Variants in EPS8 observed in about 807,000 individuals in gnomAD.
The protein encoded by EPS8 is EGFR pathway substrate 8, signaling adaptor.
A neutral mutation model predicts 103.8 loss-of-function variants in EPS8; 42 were observed. The ratio of observed to expected loss-of-function variants is 0.40; its 90% CI spans 0.32 to 0.52. The LOEUF is 0.52. Ranked by LOEUF, EPS8 falls within the 20% of genes least tolerant of loss-of-function variation. EPS8 has a pLI of 0.40. For missense variants in EPS8, 969 were observed against 1,005.1 expected (o/e 0.96, Z 0.49); for synonymous variants, 344 against 344.6 (o/e 1.00, Z 0.02).
intron 1 of EPS8, among the ~76,000 whole-genome samples, chr12:15,756,382 C>G (rs1455810083): frequency 6.6e-6 from 1 of 152,042 alleles, no homozygotes; most frequent in African/African-American, 2.4e-5. Flanking sequence ...GTAAATTTGC[C>G]AGTATCAAAC....
In EPS8 at chr12:15,682,992, T is replaced by C. The variant is rs371688910; in HGVS notation, c.-21-20A>G. 3.6e-5 allele frequency: 50 copies of C among 1,373,908 alleles called. No homozygotes were observed. The highest frequency in any genetic ancestry group is 3.3e-4 in the East Asian group (14 of 42,624). The allele number at this position is 1,373,908 out of a possible 1,614,324, so 85.1% of individuals were successfully genotyped here. A position where few individuals can be genotyped will look rare whatever the true frequency, so the allele number is the denominator to read the frequency against. ...TGTGTTCTAAAAAAAGAAAGACACA[T>C]AGATTAAAGGCAATAAAAAGGTCAA... On this transcript the variant is annotated intron_variant, in intron 1 of 20. Coordinates refer to ENST00000281172, the MANE Select transcript of EPS8 (RefSeq NM_004447.6).
In EPS8 at chr12:15,630,509, T is replaced by C. The variant is rs1591802264; in HGVS notation, c.2044+933A>G. On this transcript the variant is annotated intron_variant, in intron 18 of 20. Transcript: ENST00000281172. ...AAGTTGGTCATAGTGTCTTTTTAGT[T>C]TACTTAAATATGGTTTTCATAGAAA... Among the ~76,000 whole-genome samples, 3 of 152,330 alleles carry C rather than the reference T, an allele frequency of 2.0e-5. No homozygotes were observed. The East Asian group carries it at 5.8e-4, about 29-fold the overall frequency.
intron 1 of EPS8, among the ~76,000 whole-genome samples, chr12:15,744,829 T>C (rs112169392): frequency 5.3e-5 from 8 of 152,196 alleles, no homozygotes; most frequent in African/African-American, 1.9e-4. Flanking sequence ...AAAAGTCTTT[T>C]GTGAACTAGC....
intron 13 of EPS8, 23 bp downstream of exon 13, chr12:15,654,122 C>G: frequency 6.2e-7 from 1 of 1,606,796 alleles, no homozygotes; most frequent in Non-Finnish European, 8.5e-7. Flanking sequence ...GTACTTAAGG[C>G]ATTATAGGTG....
chr12:15,669,564 G>A (rs1945775845), intron 5 of EPS8, 28 bp from the exon 6 acceptor site: 4 of 1,572,548 alleles, frequency 2.5e-6, no homozygotes, highest in Non-Finnish European at 3.5e-6. Flanking sequence ...ATTTTATTTT[G>A]TCAAACTTCC....
At chr12:15,730,841 T>C (rs1025789254) in intron 1 of EPS8, among the ~76,000 whole-genome samples, 2 of 152,102 alleles carry the variant, frequency 1.3e-5, no homozygotes, top group Non-Finnish European at 2.9e-5. Context: ...TAGCCCTTCT[T>C]TTCCTTCACT....
At chr12:15,662,670 G>A in intron 8 of EPS8, 1 of 984,856 alleles carries the variant, frequency 1.0e-6, no homozygotes, top group Non-Finnish European at 1.2e-6. Flanking sequence ...AAAAATAAAT[G>A]TCTTAAGACC....
chr12:15,788,443 C>A (rs1415174843), intron 1 of EPS8, among the ~76,000 whole-genome samples: 1 of 152,032 alleles, frequency 6.6e-6, no homozygotes, highest in African/African-American at 2.4e-5. Context: ...GGAGAACGGT[C>A]GGTGCAAAGA....
intron 1 of EPS8, among the ~76,000 whole-genome samples, chr12:15,715,394 C>CTTTTTTTTTTTTTTTTTTTTTT (rs3086457): frequency 1.6e-5 from 2 of 127,186 alleles, no homozygotes; most frequent in Admixed American, 8.5e-5. Context: ...CTTTACTTTT[C>CTTTTTTTTTTTTTTTTTTTTTT]TTTTTTTTTT....
intron 1 of EPS8, among the ~76,000 whole-genome samples, chr12:15,783,702 ATC>A (rs887012903): frequency 4.0e-5 from 6 of 149,502 alleles, no homozygotes; most frequent in African/African-American, 1.5e-4. Context: ...ACAAAGAAGC[ATC>A]TCTGAGTTAG....
chr12:15,755,635 C>T (rs1055349233), intron 1 of EPS8, among the ~76,000 whole-genome samples: 1 of 152,176 alleles, frequency 6.6e-6, no homozygotes, highest in African/African-American at 2.4e-5. Flanking sequence ...GCAGTGATCT[C>T]TTTCTATGGG....
In EPS8 at chr12:15,650,849, G is replaced by C; in HGVS notation, c.1408C>G (p.Gln470Glu). The C allele has an allele frequency of 6.2e-7, 1 of 1,612,718 alleles. No homozygotes were observed. The highest frequency in any genetic ancestry group is 8.5e-7 in the Non-Finnish European group (1 of 1,179,404). The change falls in exon 14 of 21, where the codon CAG becomes GAG. Residue 470 changes from glutamine (Q) to glutamate (E), a missense_variant. By Grantham distance (29) the Gln-to-Glu change is conservative. Transcript: ENST00000281172. ...VANVAEHQRK[Q>E]EIKRLSTEHS... ...TCTGTGGATAATCTTTTTATTTCCT[G>C]TTTGCGCTGATGTTCTGCTACATTT...
At chr12:15,634,472 C>T (rs1945102472) in intron 17 of EPS8, among the ~76,000 whole-genome samples, 1 of 152,190 alleles carries the variant, frequency 6.6e-6, no homozygotes, top group South Asian at 2.1e-4. Flanking sequence ...TTAAAGAATG[C>T]TATTGAGAGA....
chr12:15,637,570 C>T (rs906702068), intron 17 of EPS8, among the ~76,000 whole-genome samples: 22 of 152,314 alleles, frequency 1.4e-4, no homozygotes, highest in African/African-American at 3.8e-4. Context: ...GCACTGGCCA[C>T]GGGCATATCT....
intron 4 of EPS8, 44 bp from the exon 5 acceptor site, chr12:15,669,869 CACATACAACCTCTTAGTAT>C: frequency 6.9e-7 from 1 of 1,440,974 alleles, no homozygotes; most frequent in Non-Finnish European, 9.4e-7. Context: ...CACATACAAA[CACATACAACCTCTTAGTAT>C]ACATTTTCCA....
In EPS8 at chr12:15,761,172, A is replaced by T. The variant is rs979398413; in HGVS notation, c.-22+27989T>A. Among the ~76,000 whole-genome samples, 3 of 152,148 alleles carry T rather than the reference A, an allele frequency of 2.0e-5. No individual in the cohort carries two copies. Among genetic ancestry groups the T allele is most frequent in the African/African-American group, 7.2e-5 (3 of 41,456 alleles). On this transcript the variant is annotated intron_variant, in intron 1 of 20. Transcript: ENST00000281172. The surrounding 1 kb of genome is among the most constrained non-coding windows in gnomAD (Gnocchi z 4.5). ...AGACAACAATCTGAAAAAGAAAAAA[A>T]AAGTAATCCCATTTACAACAGCCAC...
At position 15,728,317 on chromosome 12, in the gene EPS8, G is replaced by T. The variant is rs948071634; in HGVS notation, c.-21-45345C>A. 3.3e-5 allele frequency: 5 copies of T among 152,192 alleles called. No homozygotes were observed. Among genetic ancestry groups the T allele is most frequent in the African/African-American group, 7.2e-5 (3 of 41,428 alleles). 9.4% of individuals were successfully genotyped at this position (152,192 alleles called of 1,614,324 possible). On this transcript the variant is annotated intron_variant, in intron 1 of 20. Transcript: ENST00000281172. The surrounding 1 kb of genome is among the most constrained non-coding windows in gnomAD (Gnocchi z 4.5). ...AGATTCCATTTTCAAACCAGGGGGG[G>T]TGCCTTGTGGGTGTATGTGTGTATA...
chr12:15,668,846 T>C (rs1945762470), intron 6 of EPS8, among the ~76,000 whole-genome samples: 1 of 152,136 alleles, frequency 6.6e-6, no homozygotes, highest in Admixed American at 6.6e-5. Flanking sequence ...TTTAAGGCAT[T>C]TGATGTGAAT....
chr12:15,634,780 C>T, intron 17 of EPS8: 1 of 398,512 alleles, frequency 2.5e-6, no homozygotes, highest in Non-Finnish European at 4.4e-6. Context: ...GAAAATGGAG[C>T]AAATCACATC....
Sources: gnomAD v4.1 joint callset for allele counts (sites outside exome capture counted in the v4.1 genomes callset) on GRCh38, gnomAD v4.1.1 for gene constraint, Gnocchi (gnomAD v3.1) non-coding constraint, MANE v1.5 for transcripts, NCBI Gene and HGNC (gene_info 2026-07-23, HGNC 2026-07-21) for gene names.